The following ECE2 variants were observed in gnomAD, a reference collection of about 807,000 sequenced individuals.
ECE2 encodes the protein endothelin converting enzyme 2, also known as endothelin-converting enzyme 2.
A neutral mutation model predicts 100.6 loss-of-function variants in ECE2; 81 were observed. The ratio of observed to expected loss-of-function variants is 0.81; its 90% CI spans 0.67 to 0.97. The LOEUF is 0.97. Ranked by LOEUF, ECE2 falls within the 50% of genes least tolerant of loss-of-function variation. The probability of loss-of-function intolerance (pLI) is 0.00; values close to 1 mark genes in which losing one functional copy is unlikely to be tolerated. For synonymous variants in ECE2, 391 were observed against 391.5 expected, an observed-to-expected ratio of 1.00 and a Z score of 0.02; for missense variants, 911 against 988.1, an observed-to-expected ratio of 0.92 and a Z score of 1.05.
chr3:184,280,377 C>T (rs986120834), intron 7 of ECE2, among the ~76,000 whole-genome samples: 14 of 152,184 alleles, frequency 9.2e-5, no homozygotes, highest in Non-Finnish European at 2.9e-5. Flanking sequence ...CAAACTTATG[C>T]TCCTGCATGT....
At chr3:184,276,692 G>A (rs1274053991) in intron 2 of ECE2, 125 bp downstream of exon 2, 1 of 1,546,700 alleles carries the variant, frequency 6.5e-7, no homozygotes, top group South Asian at 1.2e-5. Context: ...TCTGGCCTCT[G>A]CTCTAGGACT....
rs755521808 is a variant in ECE2, at chr3:184,277,348, T to C, written c.360T>C (p.Phe120=). ...LDRGVSPCED[F]YQFSCGGWIR... is the part of the protein sequence containing the mutation. ...GAGGGGTGAGCCCCTGTGAGGACTT[T>C]TACCAGTTCTCCTGTGGGGGCTGGA... Residue 120 remains phenylalanine (F), a synonymous_variant, in exon 4 of 19, where the codon TTT becomes TTC. Transcript: ENST00000404464. 1.9e-6 allele frequency: 3 copies of C among 1,614,220 alleles called. No homozygotes were observed. In the East Asian group the frequency reaches 6.7e-5, roughly 36 times the overall value.
At position 184,278,210 on chromosome 3, in the gene ECE2, T is replaced by G; in HGVS notation, c.647T>G (p.Phe216Cys). 1 of 1,614,120 alleles carries G rather than the reference T, an allele frequency of 6.2e-7. No homozygotes were observed. The highest frequency in any genetic ancestry group is 8.5e-7 in the Non-Finnish European group (1 of 1,180,014). The change falls in exon 6 of 19, where the codon TTT (phenylalanine) becomes TGT (cysteine). Residue 216 changes from phenylalanine to cysteine, a missense_variant. Physicochemically the swap from Phe to Cys is radical, Grantham distance 205. Coordinates refer to ENST00000404464, the MANE Select transcript of ECE2 (RefSeq NM_001100121.2). ...NITGPWDQDN[F>C]MEVLKAVAGT... is the part of the protein sequence containing the mutation. ...ACGGGGCCCTGGGACCAGGACAACTTTATGGAGGTGTTGAAGGCAGTAGCA... is the reference window on the plus strand; with the variant it reads ...ACGGGGCCCTGGGACCAGGACAACTGTATGGAGGTGTTGAAGGCAGTAGCA...
chr3:184,287,501 G>C (rs1276129405), intron 10 of ECE2, among the ~76,000 whole-genome samples: 1 of 152,108 alleles, frequency 6.6e-6, no homozygotes, highest in Non-Finnish European at 1.5e-5. Context: ...AGACCAGCCT[G>C]GGAAACATGG....
Position 184,285,688 on chromosome 3 carries a change from G to A in ECE2, c.1263+96G>A, listed in dbSNP as rs915104675. 9 of 931,036 alleles carry A rather than the reference G, an allele frequency of 9.7e-6. No homozygotes were observed. The African/African-American group carries it at 1.3e-4, about 14-fold the overall frequency. The allele number at this position is 931,036 out of a possible 1,614,324, so 57.7% of individuals were successfully genotyped here. On this transcript the variant is annotated intron_variant, in intron 10 of 18. Coordinates refer to ENST00000404464, the MANE Select transcript of ECE2 (RefSeq NM_001100121.2). The stretch of plus-strand genomic sequence containing the variant: ...GCACCATGTGCCTCATGGTGCACAG[G>A]TGCATAGTATGGAGCGCAGAATTTG...
intron 7 of ECE2, among the ~76,000 whole-genome samples, chr3:184,281,222 C>T (rs1251300253): frequency 6.6e-6 from 1 of 152,216 alleles, no homozygotes; most frequent in Non-Finnish European, 1.5e-5. Flanking sequence ...CAAGACACTT[C>T]TACTACCCTC....
chr3:184,292,274 G>A lies in ECE2; in HGVS notation c.*36G>A, dbSNP rs1721367558. The A allele has an allele frequency of 1.2e-6, 2 of 1,608,474 alleles. No homozygotes were observed. The highest frequency in any genetic ancestry group is 2.7e-5 in the African/African-American group (2 of 74,908). On this transcript the variant is annotated 3_prime_UTR_variant, in exon 19 of 19. Coordinates refer to ENST00000404464, the MANE Select transcript of ECE2 (RefSeq NM_001100121.2). ...GGGGAGAAATGGCCAGCTGTCACCA[G>A]ACCTGGGGCAGCTCTCCTGACAAAG...
At chr3:184,277,798 C>T (rs1298631315) in intron 4 of ECE2, 127 bp from the exon 5 acceptor site, 2 of 1,438,744 alleles carry the variant, frequency 1.4e-6, no homozygotes, top group East Asian at 2.3e-5. Flanking sequence ...GTTTCAGACA[C>T]TCTTCCTGGG....
chr3:184,278,658 C>A, intron 7 of ECE2, 101 bp downstream of exon 7: 1 of 1,257,998 alleles, frequency 7.9e-7, no homozygotes, highest in Non-Finnish European at 1.1e-6. Flanking sequence ...GGAAGGTGAG[C>A]CTATCCTGTC....
In ECE2 at chr3:184,289,423, C is replaced by T. The variant is rs757666884; in HGVS notation, c.1375-14C>T. On this transcript the variant is annotated splice_polypyrimidine_tract_variant and intron_variant, in intron 11 of 18. Transcript: ENST00000404464. The surrounding 1 kb of genome is among the most constrained non-coding windows in gnomAD (Gnocchi z 4.1). ...CAGTGCAGGGGAAGGCTGACTTTACCTCCTCCCTCCCAGGCAGAGGGGATG... is the reference window on the plus strand; with the variant it reads ...CAGTGCAGGGGAAGGCTGACTTTACTTCCTCCCTCCCAGGCAGAGGGGATG... 1.3e-6 allele frequency: 2 copies of T among 1,588,612 alleles called. No individual in the cohort carries two copies. The highest frequency in any genetic ancestry group is 2.7e-5 in the African/African-American group (2 of 74,342).
rs35637422 is a variant in ECE2 at position 184,291,798 on chromosome 3, A to G, written c.2122-264A>G. On this transcript the variant is annotated intron_variant, in intron 18 of 18. Transcript: ENST00000404464. The surrounding 1 kb of genome is among the most constrained non-coding windows in gnomAD (Gnocchi z 4.1). Reference sequence around the variant, plus strand: ...GCTCGGGACGCAGAGTGGCCTGTCCAGGGCTGCCCAGGAATAGAGTAAGTG... The same window carrying G: ...GCTCGGGACGCAGAGTGGCCTGTCCGGGGCTGCCCAGGAATAGAGTAAGTG... The G allele has an allele frequency of 0.76, 415,217 of 542,996 alleles. 160,589 individuals carry two copies. The highest frequency in any genetic ancestry group is 0.93 in the African/African-American group (49,442 of 53,084). The allele number at this position is 542,996 out of a possible 1,614,324, so 33.6% of individuals were successfully genotyped here. A position where few individuals can be genotyped will look rare whatever the true frequency, so the allele number is the denominator to read the frequency against.
chr3:184,279,663 A>AG lies in ECE2; in HGVS notation c.816+1106_816+1107insG, dbSNP rs1212061381. Among the ~76,000 whole-genome samples the AG allele has an allele frequency of 2.0e-5, 3 of 151,844 alleles. No individual in the cohort carries two copies. The East Asian group carries it at 5.8e-4, about 29-fold the overall frequency. Reference sequence around the variant, plus strand: ...CAGAACAAGACTTCATCTCAAAAAAAAAAAAAAAAGTGTTGACGAGGGAAA... The same window carrying AG: ...CAGAACAAGACTTCATCTCAAAAAAAGAAAAAAAAAGTGTTGACGAGGGAAA... On this transcript the variant is annotated intron_variant, in intron 7 of 18. Coordinates refer to ENST00000404464, the MANE Select transcript of ECE2 (RefSeq NM_001100121.2).
chr3:184,292,613 G>T lies in ECE2; in HGVS notation c.*375G>T, dbSNP rs540313609. On this transcript the variant is annotated 3_prime_UTR_variant, in exon 19 of 19. Transcript: ENST00000404464. ...ACTGTGACCCACAGGCCTGGGTGGT[G>T]TACCTCCTGGACTTCTCCCCAGGCT... 4.3e-5 allele frequency: 12 copies of T among 278,414 alleles called. No homozygotes were observed. Among genetic ancestry groups the T allele is most frequent in the African/African-American group, 1.9e-4 (9 of 46,664 alleles). The allele number at this position is 278,414 out of a possible 1,614,324, so 17.2% of individuals were successfully genotyped here.
rs370451095 is a variant in ECE2, at chr3:184,276,944, A to T, written c.179A>T (p.Glu60Val). 1 of 1,614,088 alleles carries T rather than the reference A, an allele frequency of 6.2e-7. No individual in the cohort carries two copies. The highest frequency in any genetic ancestry group is 8.5e-7 in the Non-Finnish European group (1 of 1,180,000). Residue 60 changes from glutamate to valine, a missense_variant, in exon 3 of 19, where the codon GAG becomes GTG. Coordinates refer to ENST00000404464, the MANE Select transcript of ECE2 (RefSeq NM_001100121.2). Reference protein sequence around the residue: ...RQLLGSRTQLELVLAGASLLL... With the variant: ...RQLLGSRTQLVLVLAGASLLL... ...CTGTTAGGCTCACGCACGCAGCTGGAGCTGGTCTTAGCAGGTGCCTCTCTA... is the reference window on the plus strand; with the variant it reads ...CTGTTAGGCTCACGCACGCAGCTGGTGCTGGTCTTAGCAGGTGCCTCTCTA...
Position 184,292,388 on chromosome 3 carries a change from C to T in ECE2, c.*150C>T. 1 of 834,670 alleles carries T rather than the reference C, an allele frequency of 1.2e-6. No homozygotes were observed. The highest frequency in any genetic ancestry group is 1.9e-6 in the Non-Finnish European group (1 of 538,402). 51.7% of individuals were successfully genotyped at this position (834,670 alleles called of 1,614,324 possible). ...ACAGGTGACATGAGTACAGACCCTC[C>T]TCAATCACCACATTGTGCCTCTGCT... On this transcript the variant is annotated 3_prime_UTR_variant, in exon 19 of 19. Coordinates refer to ENST00000404464, the MANE Select transcript of ECE2 (RefSeq NM_001100121.2).
chr3:184,280,406 G>A (rs549556513), intron 7 of ECE2, among the ~76,000 whole-genome samples: 61 of 152,324 alleles, frequency 4.0e-4, no homozygotes, highest in African/African-American at 1.4e-3. Context: ...CTCAATCAGA[G>A]TGTGGGAGCT....
intron 2 of ECE2, 144 bp downstream of exon 2, chr3:184,276,711 G>A (rs1720568917): frequency 6.5e-7 from 1 of 1,535,876 alleles, no homozygotes; most frequent in East Asian, 2.3e-5. Flanking sequence ...CTATGGTGAG[G>A]CGATGCTAAG....
chr3:184,279,547 T>C (rs1453050537), intron 7 of ECE2, among the ~76,000 whole-genome samples: 1 of 150,798 alleles, frequency 6.6e-6, no homozygotes, highest in East Asian at 2.0e-4. Context: ...TCTCAGCTAC[T>C]TGGGAGGCTG....
At chr3:184,277,511 G>C (rs893666510) in intron 4 of ECE2, 45 bp downstream of exon 4, 1 of 1,601,450 alleles carries the variant, frequency 6.2e-7, no homozygotes, top group Non-Finnish European at 8.5e-7. Context: ...TATGTGCCTT[G>C]TGCCCAGCAC....
Sources: allele counts gnomAD v4.1 joint callset (sites outside exome capture counted in the v4.1 genomes callset), GRCh38; gene constraint gnomAD v4.1.1; non-coding constraint Gnocchi (gnomAD v3.1); transcripts MANE v1.5; gene names NCBI Gene and HGNC (gene_info 2026-07-23, HGNC 2026-07-21).